SLC22A23: variants seen among roughly 807,000 people sequenced by gnomAD.
SLC22A23 encodes ion transporter protein.
Under a neutral mutation model 61.0 loss-of-function variants are expected in SLC22A23, and 26 were observed. That is an observed-to-expected ratio of 0.43 (90% CI 0.31 to 0.59). SLC22A23 has a LOEUF of 0.59. SLC22A23 is among the 20% of genes least tolerant of loss of function. SLC22A23 has a pLI of 0.11. For synonymous variants in SLC22A23, 430 were observed against 413.9 expected (o/e 1.04, Z -0.47); for missense variants, 796 against 934.7 (o/e 0.85, Z 1.94).
chr6:3,290,436 T>C (rs1474635080), intron 5 of SLC22A23: 1 of 179,138 alleles, frequency 5.6e-6, no homozygotes. Context: ...AATACATAAG[T>C]GAACACATCT....
chr6:3,337,287 G>A (rs1763911298), intron 3 of SLC22A23, among the ~76,000 whole-genome samples: 1 of 152,188 alleles, frequency 6.6e-6, no homozygotes, highest in South Asian at 2.1e-4. Flanking sequence ...TGCACTCAGT[G>A]ACTATGTGTG....
intron 3 of SLC22A23, among the ~76,000 whole-genome samples, chr6:3,379,501 G>C (rs1038891243): frequency 2.6e-5 from 4 of 152,150 alleles, no homozygotes; most frequent in African/African-American, 9.7e-5. Context: ...GCAGGGCTTA[G>C]ACAGGGGATT....
intron 3 of SLC22A23, among the ~76,000 whole-genome samples, chr6:3,402,794 T>C (rs146783858): frequency 6.2e-4 from 94 of 152,364 alleles, no homozygotes; most frequent in African/African-American, 2.2e-3. Context: ...CAGGAGCACG[T>C]ACTTGCCTCT....
At position 3,410,215 on chromosome 6, in the gene SLC22A23, C is replaced by T. The variant is rs986611472; in HGVS notation, c.886G>A (p.Gly296Arg). ...LRFFEGFCLA[G>R]IILTLYALRI... The stretch of plus-strand genomic sequence containing the variant: ...AAAGCATACAAGGTGAGAATGATTC[C>T]AGCCAGGCAAAATCCTTCAAAGAAC... The change falls in exon 3 of 10, where the codon GGA (glycine) becomes AGA (arginine). Residue 296 changes from glycine to arginine, a missense_variant. By Grantham distance (125) the Gly-to-Arg change is moderately radical. Transcript: ENST00000406686. This position sits in a 1 kb window ranked among gnomAD's most constrained non-coding sequence, Gnocchi z 5.0. 1 of 1,613,530 alleles carries T rather than the reference C, an allele frequency of 6.2e-7. No individual in the cohort carries two copies. The highest frequency in any genetic ancestry group is 8.5e-7 in the Non-Finnish European group (1 of 1,179,796).
At chr6:3,441,691 G>A (rs9502004) in intron 1 of SLC22A23, among the ~76,000 whole-genome samples, 80,727 of 151,976 alleles carry the variant, frequency 0.53, 21,786 homozygotes, top group Middle Eastern at 0.74. Context: ...CTGCCCTCCT[G>A]GGATGTGCTC....
intron 1 of SLC22A23, among the ~76,000 whole-genome samples, chr6:3,434,111 C>T (rs370797621): frequency 9.9e-5 from 15 of 152,080 alleles, no homozygotes; most frequent in Admixed American, 3.9e-4. Context: ...GTCAGGAGTT[C>T]GAGACCAGCC....
intron 3 of SLC22A23, among the ~76,000 whole-genome samples, chr6:3,357,056 CAAAAAAAAAAAAAAA>C (rs66509026): frequency 3.5e-5 from 3 of 86,060 alleles, no homozygotes; most frequent in South Asian, 5.2e-4. Flanking sequence ...AAAACAGAGC[CAAAAAAAAAAAAAAA>C]AAAAAAAAAA....
chr6:3,339,601 T>C (rs1764043035), intron 3 of SLC22A23, among the ~76,000 whole-genome samples: 1 of 152,090 alleles, frequency 6.6e-6, no homozygotes, highest in African/African-American at 2.4e-5. Flanking sequence ...CAGGTTGCAG[T>C]AAAGGAGCCG....
rs543290462 is a variant in SLC22A23, at chr6:3,454,297, T to G, written c.654+1609A>C. Among the ~76,000 whole-genome samples, 1 of 152,244 alleles carries G rather than the reference T, an allele frequency of 6.6e-6. No individual in the cohort carries two copies. Among genetic ancestry groups the G allele is most frequent in the South Asian group, 2.1e-4 (1 of 4,814 alleles). On this transcript the variant is annotated intron_variant, in intron 1 of 9. Transcript: ENST00000406686. The surrounding 1 kb of genome is among the most constrained non-coding windows in gnomAD (Gnocchi z 4.3). ...GCTTTTAAGAACTATTTTTGTTCTC[T>G]CCTCCCACCGTGCATGGCTGAGTGT...
intron 1 of SLC22A23, chr6:3,432,131 A>G (rs1770906520): frequency 2.3e-6 from 2 of 861,752 alleles, no homozygotes; most frequent in African/African-American, 1.8e-5. Context: ...GTAATCCCCA[A>G]GGTTCCTCAG....
rs1765367037 is a variant in SLC22A23, at chr6:3,360,494, C to A, written c.914-36492G>T. ...TTCTTGGGGGCATTTGTCTCATCTG[C>A]CTTAAAATACAGAACTGCATTCTCA... On this transcript the variant is annotated intron_variant, in intron 3 of 9. Coordinates refer to ENST00000406686, the MANE Select transcript of SLC22A23 (RefSeq NM_015482.2). The surrounding 1 kb of genome is among the most constrained non-coding windows in gnomAD (Gnocchi z 4.6). 2.0e-5 allele frequency among the ~76,000 whole-genome samples: 3 copies of A among 152,316 alleles called. No homozygotes were observed. The highest frequency in any genetic ancestry group is 6.5e-5 in the Admixed American group (1 of 15,308).
chr6:3,356,953 C>T (rs1765141412), intron 3 of SLC22A23, among the ~76,000 whole-genome samples: 1 of 150,446 alleles, frequency 6.6e-6, no homozygotes, highest in Admixed American at 6.7e-5. Flanking sequence ...TAGATCCCAA[C>T]TGTCGTGGTT....
intron 3 of SLC22A23, among the ~76,000 whole-genome samples, chr6:3,402,462 AG>A (rs1205799736): frequency 4.2e-4 from 11 of 26,088 alleles, no homozygotes; most frequent in African/African-American, 2.8e-3. Flanking sequence ...GCTCTAGCTA[AG>A]CCCTAATCAC....
At chr6:3,343,918 T>C (rs896605020) in intron 3 of SLC22A23, among the ~76,000 whole-genome samples, 5 of 152,248 alleles carry the variant, frequency 3.3e-5, no homozygotes, top group Non-Finnish European at 5.9e-5. Flanking sequence ...TTGAGAATAT[T>C]TTCTCAAGTA....
rs1317271797 is a variant in SLC22A23, at chr6:3,330,038, C to T, written c.914-6036G>A. Among the ~76,000 whole-genome samples the T allele has an allele frequency of 6.6e-6, 1 of 152,218 alleles. No homozygotes were observed. The highest frequency in any genetic ancestry group is 2.4e-5 in the African/African-American group (1 of 41,452). ...AAGGGGAAGCCTCTGCGAAGGCCGA[C>T]TGGGCCACTAGGACACCGGGGCTTG... On this transcript the variant is annotated intron_variant, in intron 3 of 9. Coordinates refer to ENST00000406686, the MANE Select transcript of SLC22A23 (RefSeq NM_015482.2). The surrounding 1 kb of genome is among the most constrained non-coding windows in gnomAD (Gnocchi z 4.7).
chr6:3,385,752 C>A (rs1025426709), intron 3 of SLC22A23, among the ~76,000 whole-genome samples: 56 of 152,232 alleles, frequency 3.7e-4, no homozygotes, highest in Non-Finnish European at 5.9e-4. Context: ...CCACTCCTGA[C>A]CAGGGCTGCC....
At chr6:3,358,940 G>T (rs1341765008) in intron 3 of SLC22A23, among the ~76,000 whole-genome samples, 1 of 152,088 alleles carries the variant, frequency 6.6e-6, no homozygotes, top group African/African-American at 2.4e-5. Context: ...CCTGGGTGGG[G>T]TCTGCACCCC....
rs1766286749 is a variant in SLC22A23 at position 3,372,477 on chromosome 6, T to C, written c.913+37711A>G. ...AGGAGAAGTCCAGGGAGATCTTTCT[T>C]ACACTTGAGCTTTACTGTCTTGTGT... On this transcript the variant is annotated intron_variant, in intron 3 of 9. Coordinates refer to ENST00000406686, the MANE Select transcript of SLC22A23 (RefSeq NM_015482.2). The surrounding 1 kb of genome is among the most constrained non-coding windows in gnomAD (Gnocchi z 4.7). Among the ~76,000 whole-genome samples the C allele has an allele frequency of 6.6e-6, 1 of 152,226 alleles. No homozygotes were observed. Among genetic ancestry groups the C allele is most frequent in the African/African-American group, 2.4e-5 (1 of 41,470 alleles).
Position 3,321,362 on chromosome 6 carries a change from TCATGCACACACGTGCACACA to T in SLC22A23, c.1082+2452_1082+2471del, listed in dbSNP as rs567725587. On this transcript the variant is annotated intron_variant, in intron 4 of 9. Coordinates refer to ENST00000406686, the MANE Select transcript of SLC22A23 (RefSeq NM_015482.2). ...GCAGAGCACCTTGGGACCGCCATCCTCATGCACACACGTGCACACACATGCACACACGTACACATACATGC... is the reference window on the plus strand; with the variant it reads ...GCAGAGCACCTTGGGACCGCCATCCTCATGCACACACGTACACATACATGC... Among the ~76,000 whole-genome samples the T allele has an allele frequency of 7.2e-4, 109 of 152,072 alleles. 2 individuals carry two copies. Among genetic ancestry groups the T allele is most frequent in the Non-Finnish European group, 2.6e-4 (18 of 68,020 alleles).
Sources: allele counts gnomAD v4.1 joint callset (sites outside exome capture counted in the v4.1 genomes callset), GRCh38; gene constraint gnomAD v4.1.1; non-coding constraint Gnocchi (gnomAD v3.1); transcripts MANE v1.5; gene names NCBI Gene and HGNC (gene_info 2026-07-23, HGNC 2026-07-21).